The following LCP1 variants were observed in gnomAD, a reference collection of about 807,000 sequenced individuals.
The protein encoded by LCP1 is plastin-2.
In LCP1, 23 loss-of-function variants were observed where a neutral mutation model predicts 72.0. That is an observed-to-expected ratio of 0.32 (90% CI 0.23 to 0.45). LCP1 has a LOEUF of 0.45. LCP1 is among the 20% of genes least tolerant of loss of function. The pLI is 1.00. For synonymous variants in LCP1, 245 were observed against 275.4 expected (o/e 0.89, Z 1.09); for missense variants, 571 against 748.3 (o/e 0.76, Z 2.76).
chr13:46,156,825 CTT>C (rs1208440641), intron 4 of LCP1, among the ~76,000 whole-genome samples: 16 of 137,348 alleles, frequency 1.2e-4, no homozygotes, highest in Admixed American at 2.9e-4. Flanking sequence ...CTTTTCTTTT[CTT>C]TTTTTTTTTT....
chr13:46,150,649 A>G (rs1232615232), intron 8 of LCP1, among the ~76,000 whole-genome samples: 1 of 152,146 alleles, frequency 6.6e-6, no homozygotes, highest in Non-Finnish European at 1.5e-5. Flanking sequence ...CTTTACTTGG[A>G]CAGCAGACTG....
rs74073736 is a variant in LCP1 at position 46,126,234 on chromosome 13, T to C, written c.*1357A>G. On this transcript the variant is annotated 3_prime_UTR_variant, in exon 16 of 16. Coordinates refer to ENST00000323076, the MANE Select transcript of LCP1 (RefSeq NM_002298.5). ...ACCACTAAAGAAGATACCTCATTGATGGAGCTTTTCACCATGATAGAGGGC... is the reference window on the plus strand; with the variant it reads ...ACCACTAAAGAAGATACCTCATTGACGGAGCTTTTCACCATGATAGAGGGC... The C allele has an allele frequency of 8.9e-4, 202 of 226,576 alleles. 1 individual carries two copies. Among genetic ancestry groups the C allele is most frequent in the Middle Eastern group, 4.0e-3 (3 of 748 alleles). The allele number at this position is 226,576 out of a possible 1,614,324, so 14.0% of individuals were successfully genotyped here.
chr13:46,129,402 C>T (rs2045620484), intron 15 of LCP1, among the ~76,000 whole-genome samples: 1 of 152,044 alleles, frequency 6.6e-6, no homozygotes, highest in South Asian at 2.1e-4. Flanking sequence ...ATGTGTTTTT[C>T]CTTCTGCCTG....
At chr13:46,133,968 C>T (rs1050635440) in intron 14 of LCP1, among the ~76,000 whole-genome samples, 159 bp downstream of exon 14, 3 of 152,146 alleles carry the variant, frequency 2.0e-5, no homozygotes, top group African/African-American at 7.2e-5. Flanking sequence ...AATGAAATGG[C>T]TGATGAACAT....
intron 14 of LCP1, among the ~76,000 whole-genome samples, chr13:46,132,139 TA>T (rs888865914): frequency 6.6e-5 from 10 of 152,122 alleles, no homozygotes; most frequent in African/African-American, 2.4e-4. Flanking sequence ...AACAACTTAC[TA>T]AGAAGACAGG....
intron 1 of LCP1, among the ~76,000 whole-genome samples, chr13:46,173,049 A>G (rs2209092): frequency 0.3 from 44,947 of 152,160 alleles, 7,439 homozygotes; most frequent in African/African-American, 0.43. Context: ...TGCACGGTCC[A>G]TGAAATGTGC....
intron 10 of LCP1, 101 bp downstream of exon 10, chr13:46,146,807 C>A (rs1011696609): frequency 1.7e-6 from 2 of 1,169,106 alleles, no homozygotes; most frequent in Middle Eastern, 2.0e-4. Context: ...CCTGTTTGCA[C>A]ATGTAAATAG....
intron 14 of LCP1, among the ~76,000 whole-genome samples, chr13:46,133,365 T>C (rs1162341173): frequency 6.6e-6 from 1 of 152,220 alleles, no homozygotes; most frequent in Non-Finnish European, 1.5e-5. Flanking sequence ...GGCTCACGCC[T>C]ATAATCCCAA....
rs1318071070 is a variant in LCP1 at position 46,127,023 on chromosome 13, C to T, written c.*568G>A. The T allele has an allele frequency of 8.6e-6, 2 of 231,364 alleles. No homozygotes were observed. Among genetic ancestry groups the T allele is most frequent in the African/African-American group, 2.2e-5 (1 of 45,296 alleles). The allele number at this position is 231,364 out of a possible 1,614,324, so 14.3% of individuals were successfully genotyped here. A position where few individuals can be genotyped will look rare whatever the true frequency, so the allele number is the denominator to read the frequency against. Reference sequence around the variant, plus strand: ...CTGATTTATCACACACTCCAAGTGGCCCAGAGACAAGGACGGCCAGAAGAG... The same window carrying T: ...CTGATTTATCACACACTCCAAGTGGTCCAGAGACAAGGACGGCCAGAAGAG... On this transcript the variant is annotated 3_prime_UTR_variant, in exon 16 of 16. Transcript: ENST00000323076.
intron 13 of LCP1, among the ~76,000 whole-genome samples, chr13:46,140,319 G>A (rs2045689673): frequency 2.0e-5 from 3 of 152,152 alleles, no homozygotes; most frequent in Admixed American, 2.0e-4. Flanking sequence ...CCAGAAATGA[G>A]CCACGAGAGC....
Position 46,158,840 on chromosome 13 carries a change from C to G in LCP1, c.214G>C (p.Asp72His), listed in dbSNP as rs892900301. 2.5e-6 allele frequency: 4 copies of G among 1,614,022 alleles called. No individual in the cohort carries two copies. In the African/African-American group the frequency reaches 5.3e-5, roughly 22 times the overall value. Residue 72 changes from aspartate to histidine, a missense_variant, in exon 3 of 16, where the codon GAT (aspartate) becomes CAT (histidine). Physicochemically the swap from Asp to His is moderately conservative, Grantham distance 81. Transcript: ENST00000323076. ...DLDQDGRISFDEFIKIFHGLK... is the reference protein window; with the variant it reads ...DLDQDGRISFHEFIKIFHGLK... ...ATGGTACTCACCTTGATAAACTCAT[C>G]AAAGCTGATCCTTCCATCTTGGTCC...
intron 8 of LCP1, among the ~76,000 whole-genome samples, chr13:46,150,017 C>G (rs949651448): frequency 6.6e-6 from 1 of 152,204 alleles, no homozygotes; most frequent in African/African-American, 2.4e-5. Flanking sequence ...CTGACTGGCA[C>G]AGTGCCTGAC....
chr13:46,156,559 A>G lies in LCP1; in HGVS notation c.370T>C (p.Tyr124His). The G allele has an allele frequency of 6.2e-7, 1 of 1,614,222 alleles. No homozygotes were observed. The highest frequency in any genetic ancestry group is 1.1e-5 in the South Asian group (1 of 91,082). ...TTGTTTATCCAGTTGACAAAGGCAT[A>G]CTTTTCTTCCTCTGCAAGTAAATGA... ...TQHSYSEEEK[Y>H]AFVNWINKAL... The change falls in exon 5 of 16, where the codon TAT (tyrosine) becomes CAT (histidine). Residue 124 changes from tyrosine (Y) to histidine (H), a missense_variant. By Grantham distance (83) the Tyr-to-His change is moderately conservative. Transcript: ENST00000323076.
At chr13:46,134,326 GA>G (rs2045651220) in intron 13 of LCP1, 76 bp from the exon 14 acceptor site, 1 of 1,472,544 alleles carries the variant, frequency 6.8e-7, no homozygotes, top group Non-Finnish European at 9.3e-7. Context: ...GCTAAGGATG[GA>G]ATTTTTTTTT....
At chr13:46,175,777 A>G (rs2045926309) in intron 1 of LCP1, among the ~76,000 whole-genome samples, 2 of 152,224 alleles carry the variant, frequency 1.3e-5, no homozygotes, top group Non-Finnish European at 2.9e-5. Context: ...AAACTTTAAA[A>G]CTGTTTATAA....
chr13:46,135,675 A>G (rs181221527), intron 13 of LCP1, among the ~76,000 whole-genome samples: 5 of 151,740 alleles, frequency 3.3e-5, no homozygotes, highest in Non-Finnish European at 7.4e-5. Context: ...CCTCAAATCA[A>G]TTAGCTCCTC....
chr13:46,134,136 A>G lies in LCP1; in HGVS notation c.1617T>C (p.Ser539=). Reference sequence around the variant, plus strand: ...AGACAAAGAATTTTACCTTGAAACTAGAGATGGATGAACTTTTCTTTGCTT... The same window carrying G: ...AGACAAAGAATTTTACCTTGAAACTGGAGATGGATGAACTTTTCTTTGCTT... ...LREAKKSSSI[S]SFKDPKISTS... The change falls in exon 14 of 16, where the codon TCT becomes TCC. Residue 539 remains serine (S), a synonymous_variant. Transcript: ENST00000323076. 4.3e-6 allele frequency: 7 copies of G among 1,613,428 alleles called. No individual in the cohort carries two copies. The highest frequency in any genetic ancestry group is 4.2e-6 in the Non-Finnish European group (5 of 1,179,508).
At chr13:46,146,736 T>C (rs1191150961) in intron 10 of LCP1, among the ~76,000 whole-genome samples, 172 bp downstream of exon 10, 1 of 152,242 alleles carries the variant, frequency 6.6e-6, no homozygotes, top group Non-Finnish European at 1.5e-5. Context: ...TATTCCTGCT[T>C]GGCTGAAATT....
chr13:46,142,298 A>T lies in LCP1; in HGVS notation c.1496T>A (p.Met499Lys). The change falls in exon 13 of 16, where the codon ATG becomes AAG. Residue 499 changes from methionine (M) to lysine (K), a missense_variant. Met to Lys is a moderately conservative substitution (Grantham distance 95). Coordinates refer to ENST00000323076, the MANE Select transcript of LCP1 (RefSeq NM_002298.5). The stretch of plus-strand genomic sequence containing the variant: ...CTTCCATAAGCTATACTACCTTCTC[A>T]TTAGCTGCCAAATCAAGGCCAGTGT... ...TLTLALIWQL[M>K]RRYTLNILEE... The T allele has an allele frequency of 6.2e-7, 1 of 1,613,534 alleles. No individual in the cohort carries two copies. Among genetic ancestry groups the T allele is most frequent in the East Asian group, 2.2e-5 (1 of 44,878 alleles).
Sources: allele counts gnomAD v4.1 joint callset (sites outside exome capture counted in the v4.1 genomes callset), GRCh38; gene constraint gnomAD v4.1.1; transcripts MANE v1.5; gene names NCBI Gene and HGNC (gene_info 2026-07-23, HGNC 2026-07-21).